Variants in GNG2 observed in about 807,000 individuals in gnomAD.
GNG2 encodes G protein subunit gamma 2.
A neutral mutation model predicts 5.5 loss-of-function variants in GNG2; 5 were observed. The ratio of observed to expected loss-of-function variants is 0.91; its 90% CI spans 0.48 to 1.92. The LOEUF (loss-of-function observed/expected upper bound fraction) is 1.92, where lower values mean the gene tolerates loss of function less well. GNG2 is among the 30% of genes most tolerant of loss of function. GNG2 has a pLI of 0.01. For synonymous variants in GNG2, 28 were observed against 32.0 expected (o/e 0.88, Z 0.42); for missense variants, 55 against 88.4 (o/e 0.62, Z 1.52).
intron 2 of GNG2, among the ~76,000 whole-genome samples, chr14:51,851,618 A>T (rs949906566): frequency 6.6e-6 from 1 of 152,228 alleles, no homozygotes; most frequent in Non-Finnish European, 1.5e-5. Context: ...TTATTTTCCC[A>T]TCTGATGACT....
chr14:51,847,906 T>C (rs1881707546), intron 2 of GNG2, among the ~76,000 whole-genome samples: 1 of 85,862 alleles, frequency 1.2e-5, no homozygotes, highest in Non-Finnish European at 2.4e-5. Flanking sequence ...TTTTTTTTTT[T>C]TTGTAAAATG....
At chr14:51,899,226 C>T (rs942494152) in intron 2 of GNG2, among the ~76,000 whole-genome samples, 1 of 152,186 alleles carries the variant, frequency 6.6e-6, no homozygotes, top group African/African-American at 2.4e-5. Flanking sequence ...TTTCAGCCCC[C>T]GCCCCTACCT....
chr14:51,936,080 C>T (rs754261203), intron 2 of GNG2, among the ~76,000 whole-genome samples: 5 of 152,106 alleles, frequency 3.3e-5, no homozygotes, highest in Admixed American at 6.5e-5. Context: ...CTCCAGGGAC[C>T]GCCAGAACTG....
At chr14:51,888,340 A>G (rs1310544047) in intron 2 of GNG2, among the ~76,000 whole-genome samples, 3 of 152,106 alleles carry the variant, frequency 2.0e-5, no homozygotes, top group African/African-American at 4.8e-5. Flanking sequence ...TTGTTTTGAG[A>G]CAAGGACTTC....
intron 2 of GNG2, among the ~76,000 whole-genome samples, chr14:51,895,606 AAAC>A (rs1386683213): frequency 5.3e-5 from 8 of 152,230 alleles, no homozygotes; most frequent in Admixed American, 3.3e-4. Flanking sequence ...CAAGGAAATG[AAAC>A]AACATCTGCA....
chr14:51,871,742 T>C (rs762817636), intron 1 of GNG2, among the ~76,000 whole-genome samples: 1 of 152,190 alleles, frequency 6.6e-6, no homozygotes, highest in Non-Finnish European at 1.5e-5. Flanking sequence ...TGGCCCAACA[T>C]TAATCATAGG....
At chr14:51,878,430 C>T (rs1051225542) in intron 2 of GNG2, among the ~76,000 whole-genome samples, 1 of 152,172 alleles carries the variant, frequency 6.6e-6, no homozygotes, top group Non-Finnish European at 1.5e-5. Flanking sequence ...TCATTTCTAC[C>T]TCTACCTACT....
intron 2 of GNG2, among the ~76,000 whole-genome samples, chr14:51,934,797 C>A (rs1389788526): frequency 6.6e-6 from 1 of 152,116 alleles, no homozygotes; most frequent in Non-Finnish European, 1.5e-5. Context: ...CAAGATACCA[C>A]ATTTATAAAA....
intron 3 of GNG2, among the ~76,000 whole-genome samples, chr14:51,960,949 T>G (rs1253644): frequency 6.6e-6 from 1 of 151,908 alleles, no homozygotes; most frequent in Non-Finnish European, 1.5e-5. Context: ...AGGCTCAAGA[T>G]GAATCCTCCA....
upstream of GNG2, among the ~76,000 whole-genome samples, chr14:51,857,177 T>C (rs891403699): frequency 2.6e-5 from 4 of 152,184 alleles, no homozygotes; most frequent in East Asian, 5.8e-4. Context: ...CCAGTCATAC[T>C]CACAGAAAAG....
At chr14:51,838,524 G>A (rs1265312598) in intron 2 of GNG2, among the ~76,000 whole-genome samples, 3 of 151,982 alleles carry the variant, frequency 2.0e-5, no homozygotes, top group Non-Finnish European at 4.4e-5. Flanking sequence ...GTCCAAATCC[G>A]ACATAACAAA....
intron 2 of GNG2, among the ~76,000 whole-genome samples, chr14:51,935,878 T>A (rs1404537263): frequency 6.6e-6 from 1 of 152,116 alleles, no homozygotes; most frequent in African/African-American, 2.4e-5. Context: ...AGGCAATTCA[T>A]ATAATCACTC....
intron 2 of GNG2, among the ~76,000 whole-genome samples, chr14:51,926,859 G>A (rs574054199): frequency 6.6e-6 from 1 of 152,124 alleles, no homozygotes; most frequent in African/African-American, 2.4e-5. Context: ...CAAGGACCCC[G>A]TTTTTAGCTG....
chr14:51,841,523 T>C lies in GNG2; in HGVS notation c.64+13716T>C, dbSNP rs1296445235. Reference sequence around the variant, plus strand: ...TTTTACAGACAAGAATCCCAGAGCATAGAAAAGTCACACAGCTAATTAAGT... The same window carrying C: ...TTTTACAGACAAGAATCCCAGAGCACAGAAAAGTCACACAGCTAATTAAGT... On this transcript the variant is annotated intron_variant, in intron 2 of 3. Transcript: ENST00000553432. The C allele has an allele frequency of 4.3e-6, 3 of 702,008 alleles. No homozygotes were observed. In the African/African-American group the frequency reaches 5.2e-5, roughly 12 times the overall value. The allele number at this position is 702,008 out of a possible 1,614,324, so 43.5% of individuals were successfully genotyped here. A position where few individuals can be genotyped will look rare whatever the true frequency, so the allele number is the denominator to read the frequency against.
intron 2 of GNG2, among the ~76,000 whole-genome samples, chr14:51,904,596 G>A (rs897760005): frequency 9.2e-5 from 14 of 152,086 alleles, no homozygotes; most frequent in Non-Finnish European, 1.3e-4. Context: ...TGATGTAACT[G>A]CTCTGTATAT....
chr14:51,966,276 G>C (rs1014615696), intron 3 of GNG2, among the ~76,000 whole-genome samples: 1 of 148,014 alleles, frequency 6.8e-6, no homozygotes, highest in African/African-American at 2.5e-5. Flanking sequence ...CTATGGAAGT[G>C]CAGGGTTGAC....
chr14:51,836,906 A>G (rs946577199), intron 2 of GNG2, among the ~76,000 whole-genome samples: 4 of 142,204 alleles, frequency 2.8e-5, no homozygotes, highest in Non-Finnish European at 6.0e-5. Flanking sequence ...TGCCCAGGCC[A>G]GAGTGCAGTG....
intron 2 of GNG2, among the ~76,000 whole-genome samples, chr14:51,884,003 C>T (rs79383209): frequency 0.031 from 4,693 of 151,960 alleles, 291 homozygotes; most frequent in East Asian, 0.24. Context: ...AAAATAAAAG[C>T]GTTTTTTTCC....
intron 1 of GNG2, among the ~76,000 whole-genome samples, chr14:51,870,938 T>G (rs1883254840): frequency 6.6e-6 from 1 of 152,226 alleles, no homozygotes; most frequent in South Asian, 2.1e-4. Flanking sequence ...GTAGGAGTAC[T>G]TTTTAAAATA....
Sources: allele counts gnomAD v4.1 joint callset (sites outside exome capture counted in the v4.1 genomes callset), GRCh38; gene constraint gnomAD v4.1.1; transcripts MANE v1.5; gene names NCBI Gene and HGNC (gene_info 2026-07-23, HGNC 2026-07-21).